NRG2: variants seen among roughly 807,000 people sequenced by gnomAD.
NRG2 encodes the protein neuregulin 2, also known as pro-neuregulin-2, membrane-bound isoform.
In NRG2, 27 loss-of-function variants were observed where a neutral mutation model predicts 73.9. The ratio of observed to expected loss-of-function variants is 0.37; its 90% CI spans 0.27 to 0.50. NRG2 has a LOEUF of 0.50. Among genes scored for constraint, NRG2 ranks in the 20% least tolerant of loss-of-function variants. The pLI is 0.96. For missense variants in NRG2, 1,126 were observed against 1,210.1 expected (o/e 0.93, Z 1.03); for synonymous variants, 532 against 541.0 (o/e 0.98, Z 0.23).
At position 139,894,469 on chromosome 5, in the gene NRG2, C is replaced by A. The variant is rs1368111420; in HGVS notation, c.701-6958G>T. On this transcript the variant is annotated intron_variant, in intron 1 of 9. Coordinates refer to ENST00000361474, the MANE Select transcript of NRG2 (RefSeq NM_004883.3). The surrounding 1 kb of genome is among the most constrained non-coding windows in gnomAD (Gnocchi z 5.0). ...TCAAATGAGAAAGAAAAAAAAAAAA[C>A]CCACTAAGCTAAAAACACAGCTGGT... Among the ~76,000 whole-genome samples the A allele has an allele frequency of 1.4e-5, 2 of 148,018 alleles. No homozygotes were observed. Among genetic ancestry groups the A allele is most frequent in the Admixed American group, 1.3e-4 (2 of 14,906 alleles).
chr5:140,018,408 G>A (rs768068463), intron 1 of NRG2, among the ~76,000 whole-genome samples: 13 of 152,214 alleles, frequency 8.5e-5, no homozygotes, highest in Middle Eastern at 3.2e-3. Flanking sequence ...CCACTCCTTC[G>A]TATGGTAACT....
At chr5:140,001,223 C>T (rs1758444727) in intron 1 of NRG2, among the ~76,000 whole-genome samples, 1 of 152,120 alleles carries the variant, frequency 6.6e-6, no homozygotes, top group Admixed American at 6.5e-5. Flanking sequence ...CATAACTAGC[C>T]TAAAAAAGCT....
chr5:140,001,819 C>T (rs916148119), intron 1 of NRG2, among the ~76,000 whole-genome samples: 20 of 152,078 alleles, frequency 1.3e-4, no homozygotes, highest in Admixed American at 1.1e-3. Context: ...GCTATGATCC[C>T]ACCACTGCAC....
At chr5:139,873,255 G>A (rs1762974145) in intron 3 of NRG2, among the ~76,000 whole-genome samples, 1 of 152,162 alleles carries the variant, frequency 6.6e-6, no homozygotes, top group Admixed American at 6.5e-5. Context: ...CCCTGCTGAG[G>A]TCTCCCTCCT....
chr5:139,926,085 T>C (rs116380764), intron 1 of NRG2, among the ~76,000 whole-genome samples: 96 of 152,198 alleles, frequency 6.3e-4, no homozygotes, highest in African/African-American at 2.2e-3. Context: ...AGCAACAGGG[T>C]GTGGAGAGAG....
intron 1 of NRG2, among the ~76,000 whole-genome samples, chr5:139,899,091 C>T (rs1764724561): frequency 6.6e-6 from 1 of 152,186 alleles, no homozygotes; most frequent in African/African-American, 2.4e-5. Flanking sequence ...CTATCTCGTC[C>T]TGCCAGGTGA....
rs940564981 is a variant in NRG2 at position 139,924,315 on chromosome 5, T to A, written c.701-36804A>T. 4.6e-5 allele frequency among the ~76,000 whole-genome samples: 7 copies of A among 152,196 alleles called. No individual in the cohort carries two copies. The South Asian group carries it at 8.3e-4, about 18-fold the overall frequency. ...TCAGCGTTGATAAGAATAAATCTTT[T>A]TGGTTTGTGAGACAATATCAAAAGT... On this transcript the variant is annotated intron_variant, in intron 1 of 9. Transcript: ENST00000361474.
intron 1 of NRG2, among the ~76,000 whole-genome samples, chr5:139,967,439 C>T (rs1755617445): frequency 6.6e-6 from 1 of 152,194 alleles, no homozygotes. Flanking sequence ...CAACAAAGGC[C>T]ACAGGTGGCC....
intron 9 of NRG2, among the ~76,000 whole-genome samples, chr5:139,849,850 C>G (rs1761293065): frequency 6.6e-6 from 1 of 152,218 alleles, no homozygotes. Flanking sequence ...ACCCCAGGGT[C>G]TCTCCTCCTT....
At chr5:139,977,960 C>A (rs1237325159) in intron 1 of NRG2, among the ~76,000 whole-genome samples, 1 of 152,186 alleles carries the variant, frequency 6.6e-6, no homozygotes, top group African/African-American at 2.4e-5. Context: ...GGATTAAAGA[C>A]TTAAATGTCA....
chr5:139,996,160 G>T (rs1349456565), intron 1 of NRG2, among the ~76,000 whole-genome samples: 1 of 152,168 alleles, frequency 6.6e-6, no homozygotes, highest in Non-Finnish European at 1.5e-5. Context: ...TAAGCAAAAA[G>T]ATTTTAAGAA....
At chr5:139,938,519 G>A (rs1489715477) in intron 1 of NRG2, among the ~76,000 whole-genome samples, 1 of 151,800 alleles carries the variant, frequency 6.6e-6, no homozygotes, top group African/African-American at 2.4e-5. Flanking sequence ...ACCATGCCCC[G>A]CTAATTTTTT....
chr5:139,992,114 C>T (rs1757679023), intron 1 of NRG2, among the ~76,000 whole-genome samples: 1 of 152,162 alleles, frequency 6.6e-6, no homozygotes, highest in Non-Finnish European at 1.5e-5. Flanking sequence ...ATTATCCTAT[C>T]TATGAAAGTG....
rs1184221386 is a variant in NRG2, at chr5:139,915,731, A to AT, written c.701-28221dup. 2.0e-5 allele frequency among the ~76,000 whole-genome samples: 3 copies of AT among 152,228 alleles called. No individual in the cohort carries two copies. Among genetic ancestry groups the AT allele is most frequent in the Non-Finnish European group, 4.4e-5 (3 of 68,040 alleles). On this transcript the variant is annotated intron_variant, in intron 1 of 9. Transcript: ENST00000361474. This position sits in a 1 kb window ranked among gnomAD's most constrained non-coding sequence, Gnocchi z 4.0. ...AAGATTATGAAAGGCTGTGTGGTAA[A>AT]TTCTAGACGATCAGCTAGTTAAAAT... is the stretch of plus-strand genomic sequence containing the variant.
At chr5:139,994,391 G>A (rs1757873960) in intron 1 of NRG2, among the ~76,000 whole-genome samples, 1 of 152,210 alleles carries the variant, frequency 6.6e-6, no homozygotes, top group Non-Finnish European at 1.5e-5. Context: ...GAATCTACCA[G>A]TGGCTTACCT....
intron 1 of NRG2, among the ~76,000 whole-genome samples, chr5:140,032,916 A>G (rs1041475411): frequency 6.6e-6 from 1 of 152,228 alleles, no homozygotes; most frequent in South Asian, 2.1e-4. Flanking sequence ...TGTAAAACGA[A>G]GATAGTGATA....
At chr5:139,957,800 A>C (rs1183089472) in intron 1 of NRG2, among the ~76,000 whole-genome samples, 2 of 152,226 alleles carry the variant, frequency 1.3e-5, no homozygotes, top group African/African-American at 4.8e-5. Context: ...CAAAAGAAGA[A>C]GCCAAGAGAG....
intron 1 of NRG2, among the ~76,000 whole-genome samples, chr5:140,039,051 G>A (rs1339404347): frequency 6.6e-6 from 1 of 152,142 alleles, no homozygotes; most frequent in East Asian, 1.9e-4. Context: ...CTATCCTAAA[G>A]AATGTAAAAA....
chr5:139,872,275 C>T (rs180839539), intron 3 of NRG2, among the ~76,000 whole-genome samples: 10 of 152,300 alleles, frequency 6.6e-5, no homozygotes, highest in East Asian at 5.8e-4. Flanking sequence ...CACCTACACC[C>T]GCCTGCATGG....
Sources: gnomAD v4.1 joint callset for allele counts (sites outside exome capture counted in the v4.1 genomes callset) on GRCh38, gnomAD v4.1.1 for gene constraint, Gnocchi (gnomAD v3.1) non-coding constraint, MANE v1.5 for transcripts, NCBI Gene and HGNC (gene_info 2026-07-23, HGNC 2026-07-21) for gene names.